The following MARCHF1 variants were observed in gnomAD, a reference collection of about 807,000 sequenced individuals.
MARCHF1 encodes membrane associated ring-CH-type finger 1, also known as E3 ubiquitin-protein ligase MARCHF1.
In MARCHF1, 40 loss-of-function variants were observed where a neutral mutation model predicts 54.2. That is an observed-to-expected ratio of 0.74 (90% CI 0.57 to 0.96). The LOEUF (loss-of-function observed/expected upper bound fraction) is 0.96, where lower values mean the gene tolerates loss of function less well. Ranked by LOEUF, MARCHF1 falls within the 40% of genes least tolerant of loss-of-function variation. The pLI, the probability that MARCHF1 is intolerant of heterozygous loss-of-function variation, is 0.00. For missense variants in MARCHF1, 586 were observed against 656.5 expected, an observed-to-expected ratio of 0.89 and a Z score of 1.17; for synonymous variants, 236 against 236.3, an observed-to-expected ratio of 1.00 and a Z score of 0.01.
intron 1 of MARCHF1, among the ~76,000 whole-genome samples, chr4:164,153,520 A>G (rs1302194869): frequency 6.6e-6 from 1 of 152,054 alleles, no homozygotes; most frequent in East Asian, 1.9e-4. Flanking sequence ...TAATAATTTA[A>G]TAATTTAATA....
intron 7 of MARCHF1, among the ~76,000 whole-genome samples, chr4:163,602,235 T>C (rs1038061295): frequency 1.3e-5 from 2 of 152,142 alleles, no homozygotes; most frequent in Admixed American, 1.3e-4. Context: ...TACTTCTCTT[T>C]GTTGGAGAAA....
intron 1 of MARCHF1, among the ~76,000 whole-genome samples, chr4:164,282,086 A>T (rs1734039986): frequency 6.6e-6 from 1 of 150,758 alleles, no homozygotes; most frequent in African/African-American, 2.4e-5. Flanking sequence ...TCTGAATATG[A>T]TGCTTGCTTT....
In MARCHF1 at chr4:163,561,268, G is replaced by T. The variant is rs1739457971; in HGVS notation, c.1192-15525C>A. 2.6e-5 allele frequency among the ~76,000 whole-genome samples: 4 copies of T among 151,980 alleles called. No individual in the cohort carries two copies. The South Asian group carries it at 8.3e-4, about 32-fold the overall frequency. On this transcript the variant is annotated intron_variant, in intron 8 of 9. Transcript: ENST00000514618. ...ATGTCAGTCATATCTAGATATTTTT[G>T]CCCATCTCAAAGTCATACAAATTTT...
At chr4:163,966,939 A>T (rs1433456372) in intron 3 of MARCHF1, among the ~76,000 whole-genome samples, 1 of 152,176 alleles carries the variant, frequency 6.6e-6, no homozygotes, top group Non-Finnish European at 1.5e-5. Context: ...AAGATGAAAA[A>T]TATTTTACAG....
intron 1 of MARCHF1, among the ~76,000 whole-genome samples, chr4:164,254,931 CA>C (rs1226522351): frequency 1.3e-5 from 2 of 152,128 alleles, no homozygotes; most frequent in Admixed American, 1.3e-4. Context: ...CCCCTAAATC[CA>C]ATCAAGTTGA....
intron 4 of MARCHF1, among the ~76,000 whole-genome samples, chr4:163,817,607 A>G (rs1748576254): frequency 6.6e-6 from 1 of 152,068 alleles, no homozygotes; most frequent in African/African-American, 2.4e-5. Context: ...GTTGCACTCA[A>G]AAGTATTTTC....
chr4:164,050,144 G>A (rs900833772), intron 2 of MARCHF1, among the ~76,000 whole-genome samples: 2 of 151,666 alleles, frequency 1.3e-5, no homozygotes, highest in African/African-American at 2.4e-5. Context: ...GTGTCATGGT[G>A]GGTGCCTGTA....
intron 1 of MARCHF1, among the ~76,000 whole-genome samples, chr4:164,192,421 A>C (rs1356050695): frequency 5.3e-5 from 8 of 152,184 alleles, no homozygotes; most frequent in African/African-American, 1.7e-4. Context: ...CTCTTCTATC[A>C]TGAGCCCTCA....
In MARCHF1 at chr4:164,127,403, G is replaced by T. The variant is rs574014753; in HGVS notation, c.-322-15741C>A. Reference sequence around the variant, plus strand: ...TGAAAGAGATAAGAGCAACACAATGGTGCTCACTATGTTCACTTGTGTTAG... The same window carrying T: ...TGAAAGAGATAAGAGCAACACAATGTTGCTCACTATGTTCACTTGTGTTAG... On this transcript the variant is annotated intron_variant, in intron 1 of 9. Coordinates refer to ENST00000514618, the MANE Select transcript of MARCHF1 (RefSeq NM_001394959.1). 4.4e-3 allele frequency among the ~76,000 whole-genome samples: 669 copies of T among 152,240 alleles called. 4 individuals are homozygous for T. Among genetic ancestry groups the T allele is most frequent in the Non-Finnish European group, 7.8e-3 (531 of 68,008 alleles).
At chr4:164,282,282 C>T (rs1406766777) in intron 1 of MARCHF1, among the ~76,000 whole-genome samples, 4 of 150,864 alleles carry the variant, frequency 2.7e-5, no homozygotes, top group African/African-American at 9.7e-5. Context: ...CCACTGCCTT[C>T]ACCAATATTA....
chr4:163,691,453 T>A (rs894811637), intron 5 of MARCHF1, among the ~76,000 whole-genome samples: 1 of 152,096 alleles, frequency 6.6e-6, no homozygotes, highest in Non-Finnish European at 1.5e-5. Context: ...CTCGCACTAG[T>A]GTGGCTGTAA....
At chr4:164,055,790 CTTTAT>C (rs1200984374) in intron 2 of MARCHF1, among the ~76,000 whole-genome samples, 2 of 152,150 alleles carry the variant, frequency 1.3e-5, no homozygotes, top group African/African-American at 2.4e-5. Flanking sequence ...TTTCCATCCT[CTTTAT>C]TTTATATCCT....
intron 1 of MARCHF1, among the ~76,000 whole-genome samples, chr4:164,166,596 G>T (rs1329190349): frequency 6.6e-6 from 1 of 151,888 alleles, no homozygotes; most frequent in Non-Finnish European, 1.5e-5. Flanking sequence ...ACAAGACAGG[G>T]ATGTCCACTC....
At chr4:164,035,833 C>T (rs1291643004) in intron 2 of MARCHF1, among the ~76,000 whole-genome samples, 9 of 149,484 alleles carry the variant, frequency 6.0e-5, no homozygotes, top group Non-Finnish European at 8.9e-5. Flanking sequence ...GTAATCTCAG[C>T]GCTTTGGGAG....
At chr4:163,583,160 A>G (rs1020803899) in intron 8 of MARCHF1, among the ~76,000 whole-genome samples, 2 of 152,212 alleles carry the variant, frequency 1.3e-5, no homozygotes, top group African/African-American at 4.8e-5. Flanking sequence ...GAAGGCTGAG[A>G]TCTGTGACGA....
At chr4:164,114,399 A>G (rs1755898377) in intron 1 of MARCHF1, among the ~76,000 whole-genome samples, 1 of 151,874 alleles carries the variant, frequency 6.6e-6, no homozygotes, top group South Asian at 2.1e-4. Flanking sequence ...TGCTTCCAGT[A>G]TGATATGAAT....
chr4:163,831,209 G>A (rs532287855), intron 4 of MARCHF1, among the ~76,000 whole-genome samples: 30 of 152,238 alleles, frequency 2.0e-4, no homozygotes, highest in Non-Finnish European at 3.8e-4. Context: ...AGATGCCTCT[G>A]AACTGAATTT....
chr4:163,941,327 C>T (rs1277058667), intron 3 of MARCHF1, among the ~76,000 whole-genome samples: 4 of 151,892 alleles, frequency 2.6e-5, no homozygotes, highest in South Asian at 2.1e-4. Flanking sequence ...AGGCACTGAA[C>T]GGAGTCAAAT....
In MARCHF1 at chr4:163,566,273, T is replaced by C. The variant is rs186929461; in HGVS notation, c.1191+19476A>G. On this transcript the variant is annotated intron_variant, in intron 8 of 9. Transcript: ENST00000514618. ...GGATGTTATCAGAGGTGGTCCCCAG[T>C]GCAGGGGACATACTGTTTGTCCGGG... Among the ~76,000 whole-genome samples the C allele has an allele frequency of 3.3e-5, 5 of 152,362 alleles. No homozygotes were observed. In the East Asian group the frequency reaches 9.7e-4, roughly 29 times the overall value.
Sources: allele counts gnomAD v4.1 joint callset (sites outside exome capture counted in the v4.1 genomes callset), GRCh38; gene constraint gnomAD v4.1.1; transcripts MANE v1.5; gene names NCBI Gene and HGNC (gene_info 2026-07-23, HGNC 2026-07-21).